Variants in RAMP1 observed in about 807,000 individuals in gnomAD.
RAMP1 encodes receptor activity-modifying protein 1.
A neutral mutation model predicts 8.2 loss-of-function variants in RAMP1; 7 were observed. The observed-to-expected ratio is 0.85, with a 90% CI of 0.49 to 1.60. The LOEUF is 1.60. RAMP1 is among the 40% of genes most tolerant of loss of function. The pLI, the probability that RAMP1 is intolerant of heterozygous loss-of-function variation, is 0.00. For synonymous variants in RAMP1, 92 were observed against 84.7 expected (o/e 1.09, Z -0.47); for missense variants, 192 against 202.4 (o/e 0.95, Z 0.31).
rs891776154 is a variant in RAMP1 at position 237,878,205 on chromosome 2, G to A, written c.191+843G>A. 35 of 977,114 alleles carry A rather than the reference G, an allele frequency of 3.6e-5. No homozygotes were observed. Among genetic ancestry groups the A allele is most frequent in the South Asian group, 9.5e-5 (2 of 21,120 alleles). The allele number at this position is 977,114 out of a possible 1,614,324, so 60.5% of individuals were successfully genotyped here. Reference sequence around the variant, plus strand: ...AGAGATCTGTCTGTGGGTTCACAGCGCAGCGCAAGTCCTGGTGCCCCACCG... The same window carrying A: ...AGAGATCTGTCTGTGGGTTCACAGCACAGCGCAAGTCCTGGTGCCCCACCG... On this transcript the variant is annotated intron_variant, in intron 2 of 2. Coordinates refer to ENST00000254661, the MANE Select transcript of RAMP1 (RefSeq NM_005855.4). This position sits in a 1 kb window ranked among gnomAD's most constrained non-coding sequence, Gnocchi z 5.7.
chr2:237,902,033 A>G (rs1200247671), intron 2 of RAMP1, among the ~76,000 whole-genome samples: 1 of 152,136 alleles, frequency 6.6e-6, no homozygotes, highest in Non-Finnish European at 1.5e-5. Context: ...GGGGGCCCTG[A>G]GTCACATGTG....
chr2:237,910,338 AAC>A (rs2062697302), intron 2 of RAMP1, among the ~76,000 whole-genome samples: 1 of 151,648 alleles, frequency 6.6e-6, no homozygotes, highest in Non-Finnish European at 1.5e-5. Context: ...TACAGAGAAT[AAC>A]ACAGTCACAC....
intron 1 of RAMP1, among the ~76,000 whole-genome samples, chr2:237,867,846 A>C (rs2062205092): frequency 6.6e-6 from 1 of 152,146 alleles, no homozygotes; most frequent in Non-Finnish European, 1.5e-5. Flanking sequence ...TTTCTTCCCA[A>C]GATACAGGTT....
At chr2:237,894,895 G>A (rs1477122597) in intron 2 of RAMP1, among the ~76,000 whole-genome samples, 1 of 152,172 alleles carries the variant, frequency 6.6e-6, no homozygotes. Flanking sequence ...GAACAGGAGT[G>A]GCCTGTTCCT....
chr2:237,878,962 C>T lies in RAMP1; in HGVS notation c.191+1600C>T, dbSNP rs958315527. ...AGCCCACCCCAACCCTCTGGGGTCT[C>T]CAGGGGCCCTGTGCCCTCAGCAGGG... is the stretch of plus-strand genomic sequence containing the variant. On this transcript the variant is annotated intron_variant, in intron 2 of 2. Transcript: ENST00000254661. The surrounding 1 kb of genome is among the most constrained non-coding windows in gnomAD (Gnocchi z 5.7). Among the ~76,000 whole-genome samples the T allele has an allele frequency of 6.6e-6, 1 of 152,192 alleles. No homozygotes were observed. Among genetic ancestry groups the T allele is most frequent in the Non-Finnish European group, 1.5e-5 (1 of 68,038 alleles).
In RAMP1 at chr2:237,888,056, T is replaced by C. The variant is rs549054648; in HGVS notation, c.191+10694T>C. On this transcript the variant is annotated intron_variant, in intron 2 of 2. Transcript: ENST00000254661. ...ATGTACCATGAACATTCTGTGGTTCTGGGGGGTTTTTTTTTGAGACAGAAT... is the reference window on the plus strand; with the variant it reads ...ATGTACCATGAACATTCTGTGGTTCCGGGGGGTTTTTTTTTGAGACAGAAT... Among the ~76,000 whole-genome samples, 7 of 152,064 alleles carry C rather than the reference T, an allele frequency of 4.6e-5. No individual in the cohort carries two copies. In the East Asian group the frequency reaches 1.4e-3, roughly 29 times the overall value.
At position 237,877,130 on chromosome 2, in the gene RAMP1, G is replaced by A. The variant is rs561856218; in HGVS notation, c.53-94G>A. The A allele has an allele frequency of 3.2e-5, 50 of 1,539,436 alleles. No individual in the cohort carries two copies. Among genetic ancestry groups the A allele is most frequent in the East Asian group, 9.0e-5 (4 of 44,450 alleles). ...GGGGTTGCTTAGAGGCCCCGTTCTCGTGGAGTCCGGGCTGCAGGGGCGCGC... is the reference window on the plus strand; with the variant it reads ...GGGGTTGCTTAGAGGCCCCGTTCTCATGGAGTCCGGGCTGCAGGGGCGCGC... On this transcript the variant is annotated intron_variant, in intron 1 of 2. Transcript: ENST00000254661. This position sits in a 1 kb window ranked among gnomAD's most constrained non-coding sequence, Gnocchi z 4.4.
Position 237,871,556 on chromosome 2 carries a change from C to T in RAMP1, c.53-5668C>T, listed in dbSNP as rs139187028. Among the ~76,000 whole-genome samples, 403 of 152,232 alleles carry T rather than the reference C, an allele frequency of 2.6e-3. 2 individuals carry two copies. The highest frequency in any genetic ancestry group is 9.3e-3 in the African/African-American group (388 of 41,536). ...TAGATGTCAGGGAGGCAGCAGCAGG[C>T]GTTCCTATGGGCTGGGGAGCTCTGG... is the stretch of plus-strand genomic sequence containing the variant. On this transcript the variant is annotated intron_variant, in intron 1 of 2. Coordinates refer to ENST00000254661, the MANE Select transcript of RAMP1 (RefSeq NM_005855.4).
chr2:237,863,478 C>T (rs1018857489), intron 1 of RAMP1, among the ~76,000 whole-genome samples: 1 of 152,210 alleles, frequency 6.6e-6, no homozygotes, highest in Non-Finnish European at 1.5e-5. Context: ...CCTGTTTCTC[C>T]TTAGTGAGGA....
chr2:237,904,302 C>T (rs2062633868), intron 2 of RAMP1, among the ~76,000 whole-genome samples: 1 of 151,998 alleles, frequency 6.6e-6, no homozygotes, highest in African/African-American at 2.4e-5. Context: ...ACCTGTAGTC[C>T]CAGCTACTCG....
At chr2:237,902,133 G>A (rs991170399) in intron 2 of RAMP1, among the ~76,000 whole-genome samples, 1 of 152,186 alleles carries the variant, frequency 6.6e-6, no homozygotes, top group Admixed American at 6.5e-5. Context: ...GAGAGAAGGA[G>A]CACTTCGCGG....
intron 1 of RAMP1, among the ~76,000 whole-genome samples, chr2:237,873,517 G>T (rs553002931): frequency 2.0e-5 from 3 of 152,294 alleles, no homozygotes; most frequent in East Asian, 3.9e-4. Flanking sequence ...GCGCTGTCCT[G>T]CTGTGGAGAA....
At chr2:237,880,574 G>T (rs2062358245) in intron 2 of RAMP1, among the ~76,000 whole-genome samples, 1 of 152,174 alleles carries the variant, frequency 6.6e-6, no homozygotes, top group African/African-American at 2.4e-5. Context: ...AGAAAACATG[G>T]GTGAATCCCT....
intron 1 of RAMP1, among the ~76,000 whole-genome samples, chr2:237,868,692 T>C (rs930610988): frequency 6.6e-6 from 1 of 152,144 alleles, no homozygotes; most frequent in African/African-American, 2.4e-5. Flanking sequence ...TGAAACGTCA[T>C]CGGTTCTCTG....
intron 2 of RAMP1, among the ~76,000 whole-genome samples, chr2:237,892,757 C>CTCTT: frequency 6.6e-6 from 1 of 151,122 alleles, no homozygotes; most frequent in East Asian, 2.0e-4. Flanking sequence ...CTCTCTCTCT[C>CTCTT]TTCTCCATCC....
Position 237,862,636 on chromosome 2 carries a change from G to A in RAMP1, c.52+2909G>A, listed in dbSNP as rs565226020. 2.5e-4 allele frequency among the ~76,000 whole-genome samples: 38 copies of A among 152,324 alleles called. No individual in the cohort carries two copies. Among genetic ancestry groups the A allele is most frequent in the African/African-American group, 7.2e-4 (30 of 41,562 alleles). On this transcript the variant is annotated intron_variant, in intron 1 of 2. Coordinates refer to ENST00000254661, the MANE Select transcript of RAMP1 (RefSeq NM_005855.4). The surrounding 1 kb of genome is among the most constrained non-coding windows in gnomAD (Gnocchi z 4.0). Reference sequence around the variant, plus strand: ...TGCCATGTGTAGTGTGAATTCCAGCGGAAATGCTGAGCCCAGAGAGTGAAG... The same window carrying A: ...TGCCATGTGTAGTGTGAATTCCAGCAGAAATGCTGAGCCCAGAGAGTGAAG...
chr2:237,871,698 C>T (rs2062247140), intron 1 of RAMP1, among the ~76,000 whole-genome samples: 1 of 152,212 alleles, frequency 6.6e-6, no homozygotes, highest in Non-Finnish European at 1.5e-5. Flanking sequence ...TCTGGACACG[C>T]TCCTCCAGGA....
At chr2:237,882,838 G>A (rs1262441334) in intron 2 of RAMP1, among the ~76,000 whole-genome samples, 1 of 152,164 alleles carries the variant, frequency 6.6e-6, no homozygotes, top group Non-Finnish European at 1.5e-5. Flanking sequence ...ACCAGGTGTG[G>A]GCAGGTGGCA....
At chr2:237,895,399 G>A (rs543106080) in intron 2 of RAMP1, among the ~76,000 whole-genome samples, 10 of 152,242 alleles carry the variant, frequency 6.6e-5, no homozygotes, top group African/African-American at 9.6e-5. Flanking sequence ...TGAAAACACC[G>A]AGGCTCCGTA....
Sources: allele counts gnomAD v4.1 joint callset (sites outside exome capture counted in the v4.1 genomes callset), GRCh38; gene constraint gnomAD v4.1.1; non-coding constraint Gnocchi (gnomAD v3.1); transcripts MANE v1.5; gene names NCBI Gene and HGNC (gene_info 2026-07-23, HGNC 2026-07-21).